ST6GALNAC3: variants seen among roughly 807,000 people sequenced by gnomAD.
ST6GALNAC3 encodes ST6 N-acetylgalactosaminide alpha-2,6-sialyltransferase 3.
ST6GALNAC3 carries 25 observed loss-of-function variants against 32.7 expected under a neutral mutation model. That is an observed-to-expected ratio of 0.76 (90% confidence interval 0.56 to 1.07). The LOEUF is 1.07. ST6GALNAC3 is among the 50% of genes least tolerant of loss of function. The pLI is 0.00. For missense variants in ST6GALNAC3, 355 were observed against 382.4 expected (o/e 0.93, Z 0.60); for synonymous variants, 129 against 133.1 (o/e 0.97, Z 0.21).
chr1:76,438,404 G>A (rs1487120119), intron 3 of ST6GALNAC3, among the ~76,000 whole-genome samples: 1 of 152,110 alleles, frequency 6.6e-6, no homozygotes, highest in Admixed American at 6.5e-5. Flanking sequence ...CTCCCAAAGT[G>A]CTGGGATTAC....
intron 1 of ST6GALNAC3, among the ~76,000 whole-genome samples, chr1:76,265,249 A>T (rs570894193): frequency 6.6e-6 from 1 of 152,300 alleles, no homozygotes; most frequent in Admixed American, 6.5e-5. Context: ...TTTGAGACCA[A>T]CTGTGATTTT....
chr1:76,380,127 A>G (rs1651587902), intron 2 of ST6GALNAC3, among the ~76,000 whole-genome samples: 1 of 152,162 alleles, frequency 6.6e-6, no homozygotes, highest in South Asian at 2.1e-4. Flanking sequence ...GCAGATGGGG[A>G]CTCTTAGAAA....
intron 3 of ST6GALNAC3, among the ~76,000 whole-genome samples, chr1:76,527,506 CA>C (rs1662985913): frequency 6.6e-6 from 1 of 151,878 alleles, no homozygotes; most frequent in Admixed American, 6.6e-5. Context: ...TGGATTGATT[CA>C]AAAAAAGATT....
intron 3 of ST6GALNAC3, among the ~76,000 whole-genome samples, chr1:76,615,197 G>C (rs1282217695): frequency 6.6e-6 from 1 of 152,126 alleles, no homozygotes; most frequent in Admixed American, 6.5e-5. Context: ...CAGTTCATGA[G>C]GAATGAAAGA....
At chr1:76,463,016 C>T (rs1658387005) in intron 3 of ST6GALNAC3, among the ~76,000 whole-genome samples, 3 of 152,046 alleles carry the variant, frequency 2.0e-5, no homozygotes, top group South Asian at 4.2e-4. Flanking sequence ...TAAAGTAGTT[C>T]CTAAAGTCTT....
chr1:76,125,219 G>C (rs1649162667), intron 1 of ST6GALNAC3, among the ~76,000 whole-genome samples: 1 of 152,288 alleles, frequency 6.6e-6, no homozygotes, highest in South Asian at 2.1e-4. Context: ...TCCATATTTA[G>C]AGTCAAAGGT....
chr1:76,107,297 CTTTT>C (rs5775324), intron 1 of ST6GALNAC3, among the ~76,000 whole-genome samples: 23 of 137,704 alleles, frequency 1.7e-4, no homozygotes, highest in African/African-American at 5.0e-4. Context: ...CACACTTTTG[CTTTT>C]TTTTTTTTTT....
chr1:76,626,159 G>A (rs537987375), intron 3 of ST6GALNAC3, among the ~76,000 whole-genome samples: 14 of 151,934 alleles, frequency 9.2e-5, no homozygotes, highest in African/African-American at 2.9e-4. Context: ...GCTTGGTACT[G>A]GGATGTGCAT....
intron 1 of ST6GALNAC3, among the ~76,000 whole-genome samples, chr1:76,092,133 A>G (rs1211495843): frequency 1.3e-5 from 2 of 152,228 alleles, no homozygotes; most frequent in Admixed American, 1.3e-4. Flanking sequence ...ACAAGTGGAA[A>G]CACAGGAAGA....
chr1:76,278,291 G>A (rs1337075798), intron 1 of ST6GALNAC3, among the ~76,000 whole-genome samples: 3 of 128,578 alleles, frequency 2.3e-5, no homozygotes, highest in Non-Finnish European at 4.6e-5. Flanking sequence ...GCGCGATCTC[G>A]GCTCACTGCA....
At chr1:76,244,044 G>A (rs1013401312) in intron 1 of ST6GALNAC3, among the ~76,000 whole-genome samples, 2 of 152,058 alleles carry the variant, frequency 1.3e-5, no homozygotes, top group Non-Finnish European at 2.9e-5. Context: ...GGGCAGTATG[G>A]CCATTTTCAC....
intron 3 of ST6GALNAC3, among the ~76,000 whole-genome samples, chr1:76,535,711 T>C (rs1296649451): frequency 1.3e-5 from 2 of 152,174 alleles, no homozygotes; most frequent in Non-Finnish European, 2.9e-5. Context: ...TAACCTAATC[T>C]AGTTTCTCTT....
chr1:76,180,127 A>T (rs1454315265), intron 1 of ST6GALNAC3, among the ~76,000 whole-genome samples: 1 of 152,220 alleles, frequency 6.6e-6, no homozygotes, highest in Non-Finnish European at 1.5e-5. Context: ...TTTACTGCAG[A>T]TCCCCAGTGT....
At chr1:76,190,403 C>T (rs989689415) in intron 1 of ST6GALNAC3, among the ~76,000 whole-genome samples, 5 of 152,086 alleles carry the variant, frequency 3.3e-5, no homozygotes, top group Non-Finnish European at 4.4e-5. Context: ...TTGGAGCATA[C>T]GCCCAGATGC....
At chr1:76,118,282 G>A (rs977650001) in intron 1 of ST6GALNAC3, among the ~76,000 whole-genome samples, 1 of 152,128 alleles carries the variant, frequency 6.6e-6, no homozygotes, top group Non-Finnish European at 1.5e-5. Context: ...TTAAGTATTA[G>A]CATTATTATG....
At chr1:76,292,399 C>T (rs1290182894) in intron 1 of ST6GALNAC3, among the ~76,000 whole-genome samples, 1 of 152,186 alleles carries the variant, frequency 6.6e-6, no homozygotes, top group Non-Finnish European at 1.5e-5. Flanking sequence ...CAGTCCTTCG[C>T]AGAGCAGTGA....
intron 1 of ST6GALNAC3, among the ~76,000 whole-genome samples, chr1:76,172,423 A>C (rs1339941658): frequency 6.6e-6 from 1 of 152,172 alleles, no homozygotes; most frequent in Non-Finnish European, 1.5e-5. Flanking sequence ...TTTGAAAACC[A>C]GTACAAGACC....
chr1:76,319,912 T>C (rs988942792), intron 2 of ST6GALNAC3, among the ~76,000 whole-genome samples: 2 of 152,220 alleles, frequency 1.3e-5, no homozygotes, highest in Admixed American at 6.5e-5. Context: ...CATGTGTGTA[T>C]TGGATTTGTC....
At chr1:76,279,981 G>GCCT (rs1659402833) in intron 1 of ST6GALNAC3, among the ~76,000 whole-genome samples, 1 of 46,174 alleles carries the variant, frequency 2.2e-5, no homozygotes, top group Non-Finnish European at 3.9e-5. Context: ...TCTCTCTCCT[G>GCCT]TCTCTCTCCT....
Sources: allele counts gnomAD v4.1 joint callset (sites outside exome capture counted in the v4.1 genomes callset), GRCh38; gene constraint gnomAD v4.1.1; transcripts MANE v1.5; gene names NCBI Gene and HGNC (gene_info 2026-07-23, HGNC 2026-07-21).